GSDMA: variants seen among roughly 807,000 people sequenced by gnomAD.
GSDMA encodes gasdermin A, also known as gasdermin-A.
Under a neutral mutation model 54.3 loss-of-function variants are expected in GSDMA, and 55 were observed. The ratio of observed to expected loss-of-function variants is 1.01; its 90% CI spans 0.82 to 1.27. The LOEUF is 1.27. Ranked by LOEUF, GSDMA falls within the 50% of genes most tolerant of loss-of-function variation. The probability of loss-of-function intolerance (pLI) is 0.00; values close to 1 mark genes in which losing one functional copy is unlikely to be tolerated. For synonymous variants in GSDMA, 211 were observed against 224.7 expected, an observed-to-expected ratio of 0.94 and a Z score of 0.54; for missense variants, 542 against 542.6, an observed-to-expected ratio of 1.00 and a Z score of 0.01.
At chr17:39,974,795 A>G (rs1980125271) in intron 9 of GSDMA, 105 bp from the exon 10 acceptor site, 1 of 703,884 alleles carries the variant, frequency 1.4e-6, no homozygotes, top group South Asian at 1.6e-5. Context: ...AAAAGAAATC[A>G]GGAAATGGAG....
At chr17:39,972,100 T>TGGCCCC in intron 5 of GSDMA, 29 bp from the exon 6 acceptor site, 2 of 835,096 alleles carry the variant, frequency 2.4e-6, no homozygotes, top group East Asian at 2.5e-5. Context: ...CTAAGTGTCC[T>TGGCCCC]CCCACCCTCC....
At chr17:39,966,552 G>A (rs950579472) in intron 3 of GSDMA, 115 bp downstream of exon 3, 9 of 943,586 alleles carry the variant, frequency 9.5e-6, no homozygotes, top group East Asian at 2.8e-5. Flanking sequence ...TTGCCAATGT[G>A]GTCATGACAG....
chr17:39,969,737 C>T (rs1025341405), intron 3 of GSDMA, among the ~76,000 whole-genome samples: 1 of 152,010 alleles, frequency 6.6e-6, no homozygotes, highest in Non-Finnish European at 1.5e-5. Context: ...ATCTGTAATC[C>T]CAGCTATTCA....
intron 5 of GSDMA, 29 bp from the exon 6 acceptor site, chr17:39,972,100 T>TTGCCCCCC: frequency 4.8e-6 from 4 of 835,096 alleles, no homozygotes; most frequent in South Asian, 1.4e-5. Context: ...CTAAGTGTCC[T>TTGCCCCCC]CCCACCCTCC....
Position 39,965,824 on chromosome 17 carries a change from C to A in GSDMA, c.137C>A (p.Thr46Lys), listed in dbSNP as rs747066041. 3 of 1,588,558 alleles carry A rather than the reference C, an allele frequency of 1.9e-6. No individual in the cohort carries two copies. The African/African-American group carries it at 4.0e-5, about 21-fold the overall frequency. ...FCLVLRKRKS[T>K]LFWGARYVRT... Reference sequence around the variant, plus strand: ...CTGGTGCTGAGGAAGAGGAAGAGCACGCTCTTCTGGGGGGCCCGGTACGTC... The same window carrying A: ...CTGGTGCTGAGGAAGAGGAAGAGCAAGCTCTTCTGGGGGGCCCGGTACGTC... The change falls in exon 2 of 12, where the codon ACG becomes AAG. Residue 46 changes from threonine to lysine, a missense_variant. Transcript: ENST00000301659.
intron 8 of GSDMA, 146 bp from the exon 9 acceptor site, chr17:39,974,127 G>C: frequency 1.1e-6 from 1 of 904,698 alleles, no homozygotes. Flanking sequence ...GCATTCCTTG[G>C]TAAAGAAAAA....
chr17:39,969,209 G>T (rs1465131975), intron 3 of GSDMA, among the ~76,000 whole-genome samples: 3 of 152,054 alleles, frequency 2.0e-5, no homozygotes, highest in East Asian at 1.9e-4. Flanking sequence ...AATATTAGCC[G>T]GGCATGGTGG....
At chr17:39,964,574 GAA>G (rs71355430) in intron 1 of GSDMA, among the ~76,000 whole-genome samples, 16,661 of 147,102 alleles carry the variant, frequency 0.11, 1,038 homozygotes, top group African/African-American at 0.15. Context: ...ATCTCAAAAA[GAA>G]AAAAAAAAGT....
rs1245254089 is a variant in GSDMA at position 39,971,620 on chromosome 17, G to A, written c.655G>A (p.Asp219Asn). 4 of 1,610,478 alleles carry A rather than the reference G, an allele frequency of 2.5e-6. No individual in the cohort carries two copies. The highest frequency in any genetic ancestry group is 1.3e-5 in the African/African-American group (1 of 74,824). Reference sequence around the variant, plus strand: ...GATGGTCAAAGGCAAAGATGAGTGGGGTGAGCAGAGACCCGCATGTTCTCC... The same window carrying A: ...GATGGTCAAAGGCAAAGATGAGTGGAGTGAGCAGAGACCCGCATGTTCTCC... Reference protein sequence around the residue: ...QLMVKGKDEWDIPHICNDNMQ... With the variant: ...QLMVKGKDEWNIPHICNDNMQ... Residue 219 changes from aspartate (D) to asparagine (N), a missense_variant and splice_region_variant, in exon 5 of 12, where the codon GAT (aspartate) becomes AAT (asparagine). Physicochemically the swap from Asp to Asn is conservative, Grantham distance 23. Transcript: ENST00000301659.
chr17:39,971,709 A>C, intron 5 of GSDMA, 89 bp downstream of exon 5: 5 of 922,924 alleles, frequency 5.4e-6, no homozygotes, highest in South Asian at 1.4e-5. Flanking sequence ...CGGAAATGTC[A>C]GAGAATGAGT....
intron 1 of GSDMA, among the ~76,000 whole-genome samples, chr17:39,964,134 T>C (rs982618317): frequency 2.6e-5 from 4 of 152,052 alleles, no homozygotes; most frequent in Admixed American, 6.6e-5. Flanking sequence ...GAAACACAGA[T>C]ACAGTCACCA....
chr17:39,972,116 T>G lies in GSDMA; in HGVS notation c.656-13T>G. 5.0e-6 allele frequency: 2 copies of G among 396,758 alleles called. No individual in the cohort carries two copies. Among genetic ancestry groups the G allele is most frequent in the Non-Finnish European group, 1.0e-5 (2 of 199,836 alleles). 24.6% of individuals were successfully genotyped at this position (396,758 alleles called of 1,614,324 possible). A position where few individuals can be genotyped will look rare whatever the true frequency, so the allele number is the denominator to read the frequency against. On this transcript the variant is annotated splice_polypyrimidine_tract_variant and intron_variant, in intron 5 of 11. Transcript: ENST00000301659. ...TAAGTGTCCTCCCACCCTCCCTCCC[T>G]TGCCCTTCACAGATATTCCACATAT...
At position 39,977,197 on chromosome 17, in the gene GSDMA, T is replaced by C; in HGVS notation, c.*139T>C. ...AGCTGGTCACCCATGATAACCAACTTCCACCTGCCCAACCATATATCACCC... is the reference window on the plus strand; with the variant it reads ...AGCTGGTCACCCATGATAACCAACTCCCACCTGCCCAACCATATATCACCC... On this transcript the variant is annotated 3_prime_UTR_variant, in exon 12 of 12. Transcript: ENST00000301659. 1 of 983,234 alleles carries C rather than the reference T, an allele frequency of 1.0e-6. No individual in the cohort carries two copies. Among genetic ancestry groups the C allele is most frequent in the Non-Finnish European group, 1.5e-6 (1 of 657,670 alleles). The allele number at this position is 983,234 out of a possible 1,614,324, so 60.9% of individuals were successfully genotyped here.
intron 3 of GSDMA, among the ~76,000 whole-genome samples, chr17:39,966,968 G>C (rs757608363): frequency 1.4e-5 from 2 of 146,966 alleles, no homozygotes; most frequent in East Asian, 4.1e-4. Context: ...GGTGTGGCAG[G>C]TGCCACATTG....
At chr17:39,973,965 G>T in intron 8 of GSDMA, 135 bp downstream of exon 8, 2 of 892,784 alleles carry the variant, frequency 2.2e-6, no homozygotes, top group South Asian at 3.1e-5. Flanking sequence ...TCCACTTTTT[G>T]CTGGAGTCTC....
intron 7 of GSDMA, among the ~76,000 whole-genome samples, chr17:39,972,856 C>CTACTAT (rs1394172450): frequency 6.6e-6 from 1 of 152,138 alleles, no homozygotes; most frequent in Non-Finnish European, 1.5e-5. Flanking sequence ...AGCAGCCAGG[C>CTACTAT]ACAGTGATTC....
intron 3 of GSDMA, among the ~76,000 whole-genome samples, chr17:39,970,139 A>AG (rs977031488): frequency 6.6e-6 from 1 of 151,772 alleles, no homozygotes; most frequent in Admixed American, 6.6e-5. Context: ...GGGAGGAAAG[A>AG]GGGGGGGAGC....
At chr17:39,966,981 G>T (rs886139201) in intron 3 of GSDMA, among the ~76,000 whole-genome samples, 1 of 124,216 alleles carries the variant, frequency 8.1e-6, no homozygotes, top group African/African-American at 2.7e-5. Context: ...CCACATTGAT[G>T]CTGGGCACCA....
In GSDMA at chr17:39,977,002, C is replaced by G; in HGVS notation, c.1282C>G (p.Leu428Val). ...GTGGGACCCAGACACCCTCCCTCGCCTCTGTGCTCTTTATGCAGGCCTCTC... is the reference window on the plus strand; with the variant it reads ...GTGGGACCCAGACACCCTCCCTCGCGTCTGTGCTCTTTATGCAGGCCTCTC... ...YMWDPDTLPR[L>V]CALYAGLSLL... The change falls in exon 12 of 12, where the codon CTC (leucine) becomes GTC (valine). Residue 428 changes from leucine to valine, a missense_variant. Leu to Val is a conservative substitution (Grantham distance 32, BLOSUM62 1). Transcript: ENST00000301659. The G allele has an allele frequency of 1.9e-6, 3 of 1,613,992 alleles. No individual in the cohort carries two copies. Among genetic ancestry groups the G allele is most frequent in the Non-Finnish European group, 2.5e-6 (3 of 1,179,890 alleles).
Sources: gnomAD v4.1 joint callset for allele counts (sites outside exome capture counted in the v4.1 genomes callset) on GRCh38, gnomAD v4.1.1 for gene constraint, MANE v1.5 for transcripts, NCBI Gene and HGNC (gene_info 2026-07-23, HGNC 2026-07-21) for gene names.